KCNH1: variants seen among roughly 807,000 people sequenced by gnomAD.
KCNH1 encodes the protein voltage-gated delayed rectifier potassium channel KCNH1.
KCNH1 carries 27 observed loss-of-function variants against 69.2 expected under a neutral mutation model. The ratio of observed to expected loss-of-function variants is 0.39; its 90% CI spans 0.29 to 0.54. The LOEUF (loss-of-function observed/expected upper bound fraction) is 0.54. KCNH1 is among the 20% of genes least tolerant of loss of function. The probability of loss-of-function intolerance (pLI) is 0.68; values close to 1 mark genes in which losing one functional copy is unlikely to be tolerated. For missense variants in KCNH1, 798 were observed against 1,261.6 expected (o/e 0.63, Z 5.57); for synonymous variants, 456 against 487.7 (o/e 0.93, Z 0.86).
intron 6 of KCNH1, among the ~76,000 whole-genome samples, chr1:210,960,018 T>C (rs916675071): frequency 4.6e-5 from 7 of 152,232 alleles, no homozygotes; most frequent in African/African-American, 1.2e-4. Context: ...AGACTGGAGC[T>C]GTTCCTATTT....
At chr1:210,904,080 C>A (rs2088770601) in intron 7 of KCNH1, among the ~76,000 whole-genome samples, 1 of 152,276 alleles carries the variant, frequency 6.6e-6, no homozygotes, top group South Asian at 2.1e-4. Flanking sequence ...TACTTATAAG[C>A]CTCTAAGGAA....
At chr1:211,015,253 G>A (rs773646929) in intron 6 of KCNH1, among the ~76,000 whole-genome samples, 90 of 152,132 alleles carry the variant, frequency 5.9e-4, no homozygotes, top group Admixed American at 2.6e-4. Context: ...AAACTTCCTG[G>A]TCAGTTTTGA....
intron 4 of KCNH1, among the ~76,000 whole-genome samples, chr1:211,084,806 A>C (rs780548867): frequency 7.9e-5 from 12 of 152,238 alleles, no homozygotes; most frequent in Non-Finnish European, 1.5e-4. Context: ...CGCCAGATGA[A>C]AAAATAGATT....
rs766757386 is a variant in KCNH1, at chr1:210,683,760, A to C, written c.2491T>G (p.Cys831Gly). 1 of 1,614,022 alleles carries C rather than the reference A, an allele frequency of 6.2e-7. No homozygotes were observed. The highest frequency in any genetic ancestry group is 8.5e-7 in the Non-Finnish European group (1 of 1,180,046). ...CLGPKGGGGD[C>G]AKRKSWARFK... ...CGGGCCCAGCTTTTGCGCTTGGCAC[A>C]ATCGCCCCCGCCCCCCTTGGGGCCC... Residue 831 changes from cysteine (C) to glycine (G), a missense_variant, in exon 11 of 11, where the codon TGT becomes GGT. This residue lies in a region of KCNH1 where 331 missense variants were observed against 363.2 expected (regional missense o/e 0.91). Coordinates refer to ENST00000271751, the MANE Select transcript of KCNH1 (RefSeq NM_172362.3). The surrounding 1 kb of genome is among the most constrained non-coding windows in gnomAD (Gnocchi z 5.7).
chr1:210,866,882 C>T (rs1325602049), intron 7 of KCNH1, among the ~76,000 whole-genome samples: 2 of 151,890 alleles, frequency 1.3e-5, no homozygotes, highest in African/African-American at 4.8e-5. Context: ...AACTGATGAA[C>T]AGATGAATTA....
intron 10 of KCNH1, among the ~76,000 whole-genome samples, chr1:210,746,700 C>A (rs1035262872): frequency 6.6e-6 from 1 of 152,144 alleles, no homozygotes; most frequent in Non-Finnish European, 1.5e-5. Context: ...GTGCCTGCCA[C>A]CATGCCTGGC....
intron 7 of KCNH1, among the ~76,000 whole-genome samples, chr1:210,918,483 A>T (rs1177797597): frequency 6.6e-6 from 1 of 152,178 alleles, no homozygotes; most frequent in South Asian, 2.1e-4. Flanking sequence ...TTTCCATCCC[A>T]GTTAGGTCCC....
At chr1:210,760,616 C>A (rs1310387748) in intron 10 of KCNH1, among the ~76,000 whole-genome samples, 1 of 152,118 alleles carries the variant, frequency 6.6e-6, no homozygotes, top group East Asian at 1.9e-4. Flanking sequence ...TGAGACTGGG[C>A]AATTTACAAA....
chr1:211,034,538 T>C (rs966202614), intron 5 of KCNH1, among the ~76,000 whole-genome samples: 4 of 152,154 alleles, frequency 2.6e-5, no homozygotes, highest in Non-Finnish European at 5.9e-5. Flanking sequence ...GTTGTGATAT[T>C]GTACTATAGT....
At chr1:211,021,679 T>C (rs1175553923) in intron 5 of KCNH1, among the ~76,000 whole-genome samples, 3 of 151,918 alleles carry the variant, frequency 2.0e-5, no homozygotes, top group Non-Finnish European at 4.4e-5. Flanking sequence ...AGCATTTCCA[T>C]ACACCAATAG....
chr1:211,002,211 G>T (rs1280721174), intron 6 of KCNH1, among the ~76,000 whole-genome samples: 1 of 151,208 alleles, frequency 6.6e-6, no homozygotes. Flanking sequence ...AATAAAAAAA[G>T]AATTTTAGCA....
intron 6 of KCNH1, among the ~76,000 whole-genome samples, chr1:211,003,106 G>A (rs1689220125): frequency 6.6e-6 from 1 of 151,982 alleles, no homozygotes. Flanking sequence ...GGGAGGAAAG[G>A]AGGAGAGACC....
intron 5 of KCNH1, among the ~76,000 whole-genome samples, chr1:211,069,807 G>A (rs1401967646): frequency 6.6e-6 from 1 of 152,148 alleles, no homozygotes; most frequent in African/African-American, 2.4e-5. Context: ...ATCTGTAAGT[G>A]TTCTGTGCTT....
intron 5 of KCNH1, among the ~76,000 whole-genome samples, chr1:211,080,475 G>C (rs58000861): frequency 2.0e-5 from 3 of 152,092 alleles, no homozygotes; most frequent in African/African-American, 7.2e-5. Context: ...CTACTTTAAA[G>C]TTCATGTGGA....
intron 6 of KCNH1, among the ~76,000 whole-genome samples, chr1:210,994,616 A>G (rs1467233601): frequency 6.6e-6 from 1 of 152,202 alleles, no homozygotes; most frequent in African/African-American, 2.4e-5. Context: ...TCATAGTGTG[A>G]AGACAAAGGA....
At chr1:211,020,666 A>C (rs1286948531) in intron 5 of KCNH1, among the ~76,000 whole-genome samples, 1 of 152,100 alleles carries the variant, frequency 6.6e-6, no homozygotes, top group Non-Finnish European at 1.5e-5. Flanking sequence ...CCTGATACCA[A>C]AACCAGACAA....
At chr1:210,738,966 G>T (rs1306434473) in intron 10 of KCNH1, among the ~76,000 whole-genome samples, 1 of 152,054 alleles carries the variant, frequency 6.6e-6, no homozygotes, top group Admixed American at 6.6e-5. Context: ...TAAGTAGCTA[G>T]TGTCACTTTC....
At chr1:211,100,143 G>T (rs2102480836) in intron 3 of KCNH1, among the ~76,000 whole-genome samples, 1 of 152,118 alleles carries the variant, frequency 6.6e-6, no homozygotes, top group South Asian at 2.1e-4. Context: ...TTACGGGCGT[G>T]AGCCACTACC....
chr1:210,792,155 A>G (rs1260456963), intron 9 of KCNH1, among the ~76,000 whole-genome samples: 1 of 151,286 alleles, frequency 6.6e-6, no homozygotes, highest in Admixed American at 6.6e-5. Context: ...CTTACCTCCT[A>G]CTTCCCAGAG....
Sources: allele counts gnomAD v4.1 joint callset (sites outside exome capture counted in the v4.1 genomes callset), GRCh38; gene constraint gnomAD v4.1.1; regional missense constraint gnomAD v4.1.1; non-coding constraint Gnocchi (gnomAD v3.1); transcripts MANE v1.5; gene names NCBI Gene and HGNC (gene_info 2026-07-23, HGNC 2026-07-21).